The following TPCN2 variants were observed in gnomAD, a reference collection of about 807,000 sequenced individuals.
TPCN2 encodes two pore channel protein 2.
In TPCN2, 92 loss-of-function variants were observed where a neutral mutation model predicts 111.4. That is an observed-to-expected ratio of 0.83 (90% CI 0.70 to 0.98). The LOEUF (loss-of-function observed/expected upper bound fraction) is 0.98, where lower values mean the gene tolerates loss of function less well. Among genes scored for constraint, TPCN2 ranks in the 50% least tolerant of loss-of-function variants. The pLI is 0.00. For synonymous variants in TPCN2, 405 were observed against 414.5 expected (o/e 0.98, Z 0.28); for missense variants, 995 against 980.1 (o/e 1.02, Z -0.20).
chr11:69,074,214 CT>C (rs1050803937), intron 13 of TPCN2, among the ~76,000 whole-genome samples: 15 of 152,314 alleles, frequency 9.8e-5, no homozygotes, highest in African/African-American at 3.6e-4. Flanking sequence ...CCTTCCAGAC[CT>C]CTGTAGTCAG....
intron 1 of TPCN2, among the ~76,000 whole-genome samples, chr11:69,053,615 G>A (rs971471283): frequency 2.6e-5 from 4 of 152,066 alleles, no homozygotes; most frequent in African/African-American, 9.7e-5. Context: ...GTGCTCCTGC[G>A]TTGCACCTCA....
intron 17 of TPCN2, 55 bp downstream of exon 17, chr11:69,079,938 C>T (rs956206294): frequency 1.2e-5 from 19 of 1,563,870 alleles, no homozygotes; most frequent in Middle Eastern, 1.9e-4. Flanking sequence ...CACCACCCAG[C>T]GCCCCTGGGA....
intron 13 of TPCN2, among the ~76,000 whole-genome samples, chr11:69,077,229 T>C (rs1356827393): frequency 1.6e-5 from 2 of 121,588 alleles, no homozygotes; most frequent in Admixed American, 1.7e-4. Context: ...TCCTGCCATG[T>C]CCCTCCACCT....
chr11:69,079,679 G>T, intron 16 of TPCN2, 155 bp from the exon 17 acceptor site: 1 of 634,130 alleles, frequency 1.6e-6, no homozygotes. Flanking sequence ...CTGACATCTG[G>T]AACCAACCCG....
At chr11:69,083,866 G>T in intron 18 of TPCN2, 79 bp from the exon 19 acceptor site, 1 of 1,383,362 alleles carries the variant, frequency 7.2e-7, no homozygotes, top group East Asian at 2.3e-5. Context: ...TTTCTGTCAG[G>T]GTCAGCGTGG....
intron 16 of TPCN2, chr11:69,079,230 AT>A: frequency 1.6e-6 from 1 of 618,848 alleles, no homozygotes; most frequent in Non-Finnish European, 2.7e-6. Context: ...TTTCTACTGC[AT>A]CCGAGTGTCA....
intron 3 of TPCN2, 130 bp downstream of exon 3, chr11:69,054,927 C>A: frequency 1.0e-6 from 1 of 957,226 alleles, no homozygotes; most frequent in Non-Finnish European, 1.6e-6. Flanking sequence ...GGGCGGTTAC[C>A]ATCATCCTCT....
At chr11:69,080,522 GC>G (rs1855960380) in intron 17 of TPCN2, among the ~76,000 whole-genome samples, 1 of 152,222 alleles carries the variant, frequency 6.6e-6, no homozygotes, top group African/African-American at 2.4e-5. Context: ...GCTCTGGTGT[GC>G]CCGTGATGAG....
chr11:69,077,149 C>T (rs1855814761), intron 13 of TPCN2, among the ~76,000 whole-genome samples: 3 of 137,044 alleles, frequency 2.2e-5, no homozygotes, highest in East Asian at 2.3e-4. Flanking sequence ...TGCCCTCCTG[C>T]CGTGTCCCTC....
intron 8 of TPCN2, 87 bp from the exon 9 acceptor site, chr11:69,070,343 A>G (rs1855466936): frequency 9.0e-7 from 1 of 1,117,196 alleles, no homozygotes; most frequent in African/African-American, 1.5e-5. Context: ...CCTCCTTTCT[A>G]TTGCAAAAGC....
At chr11:69,068,213 G>A (rs371748618) in intron 8 of TPCN2, among the ~76,000 whole-genome samples, 3 of 152,216 alleles carry the variant, frequency 2.0e-5, no homozygotes, top group African/African-American at 4.8e-5. Flanking sequence ...TTCATCTTGC[G>A]GACCCTGAGT....
At chr11:69,054,199 T>C (rs981028531) in intron 2 of TPCN2, 102 bp downstream of exon 2, 30 of 915,540 alleles carry the variant, frequency 3.3e-5, no homozygotes, top group Admixed American at 6.0e-5. Flanking sequence ...CCTCCATTGC[T>C]GGACTGTAGG....
At chr11:69,062,373 G>A (rs575486908) in intron 5 of TPCN2, among the ~76,000 whole-genome samples, 9 of 152,164 alleles carry the variant, frequency 5.9e-5, no homozygotes, top group Admixed American at 2.0e-4. Flanking sequence ...GCTGGAGGGC[G>A]CTGTGTGAGT....
rs577630135 is a variant in TPCN2, at chr11:69,052,931, G to A, written c.110-1102G>A. 3.1e-4 allele frequency among the ~76,000 whole-genome samples: 47 copies of A among 152,348 alleles called. 1 individual carries two copies. In the South Asian group the frequency reaches 6.6e-3, roughly 21 times the overall value. On this transcript the variant is annotated intron_variant, in intron 1 of 24. Transcript: ENST00000294309. Reference sequence around the variant, plus strand: ...CGTGCTGGGAAGTGTCAGCCTCTCCGGGCTCCTCAGTTGCTTCGGGTTGAG... The same window carrying A: ...CGTGCTGGGAAGTGTCAGCCTCTCCAGGCTCCTCAGTTGCTTCGGGTTGAG...
intron 13 of TPCN2, among the ~76,000 whole-genome samples, chr11:69,075,610 G>A (rs1855718083): frequency 6.6e-6 from 1 of 152,188 alleles, no homozygotes; most frequent in Non-Finnish European, 1.5e-5. Flanking sequence ...CTCAGATTTG[G>A]GGCAGCCTGT....
Position 69,088,092 on chromosome 11 carries a change from C to G in TPCN2, c.*139C>G. 1.4e-6 allele frequency: 1 copy of G among 706,490 alleles called. No homozygotes were observed. Among genetic ancestry groups the G allele is most frequent in the South Asian group, 1.9e-5 (1 of 52,984 alleles). The allele number at this position is 706,490 out of a possible 1,614,324, so 43.8% of individuals were successfully genotyped here. ...CTCTGACGGACCACTAAGCTGGGGACAGGAACCAAGTCCTTTGCGTGTGGC... is the reference window on the plus strand; with the variant it reads ...CTCTGACGGACCACTAAGCTGGGGAGAGGAACCAAGTCCTTTGCGTGTGGC... On this transcript the variant is annotated 3_prime_UTR_variant, in exon 25 of 25. Coordinates refer to ENST00000294309, the MANE Select transcript of TPCN2 (RefSeq NM_139075.4).
rs781156910 is a variant in TPCN2 at position 69,055,378 on chromosome 11, G to A, written c.429+26G>A. On this transcript the variant is annotated intron_variant, in intron 4 of 24. Coordinates refer to ENST00000294309, the MANE Select transcript of TPCN2 (RefSeq NM_139075.4). ...GTGAGGCGGGCGCCAGGCCCTCTAC[G>A]TGCTGCCCCGGCCTCCCAGCGCCTG... The A allele has an allele frequency of 7.5e-5, 118 of 1,574,122 alleles. 1 individual carries two copies. Among genetic ancestry groups the A allele is most frequent in the Admixed American group, 4.1e-4 (22 of 54,182 alleles).
In TPCN2 at chr11:69,079,903, C is replaced by T. The variant is rs757346316; in HGVS notation, c.1589+20C>T. ...AGGCTGGTATGTGACTGGGCAGAAC[C>T]GAGGGCGGCTACAGCAAACAGCACC... On this transcript the variant is annotated intron_variant, in intron 17 of 24. Transcript: ENST00000294309. 3.4e-5 allele frequency: 55 copies of T among 1,612,880 alleles called. No individual in the cohort carries two copies. Among genetic ancestry groups the T allele is most frequent in the African/African-American group, 5.3e-5 (4 of 74,922 alleles).
rs749652136 is a variant in TPCN2 at position 69,071,404 on chromosome 11, TC to T, written c.946del (p.Arg316GlyfsTer4). 6.2e-7 allele frequency: 1 copy of T among 1,613,730 alleles called. No individual in the cohort carries two copies. Among genetic ancestry groups the T allele is most frequent in the Admixed American group, 1.7e-5 (1 of 60,002 alleles). On this transcript the variant is annotated frameshift_variant, in exon 10 of 25. Coordinates refer to ENST00000294309, the MANE Select transcript of TPCN2 (RefSeq NM_139075.4). LOFTEE classifies it high-confidence loss of function. ...NLLTAIIYSQFRGYLMKSLQT... is the reference protein window; with the variant it reads ...NLLTAIIYSQXRGYLMKSLQT... ...CTGACAGCCATCATCTACAGTCAGT[TC>T]CGGGGCTACCTGATGGTGAGCGAGC...
Sources: gnomAD v4.1 joint callset for allele counts (sites outside exome capture counted in the v4.1 genomes callset) on GRCh38, gnomAD v4.1.1 for gene constraint, MANE v1.5 for transcripts, NCBI Gene and HGNC (gene_info 2026-07-23, HGNC 2026-07-21) for gene names.